The following PEMT variants were observed in gnomAD, a reference collection of about 807,000 sequenced individuals.
The protein encoded by PEMT is phosphatidylethanolamine N-methyltransferase.
In PEMT, 23 loss-of-function variants were observed where a neutral mutation model predicts 27.4. That is an observed-to-expected ratio of 0.84 (90% CI 0.60 to 1.19). The LOEUF (loss-of-function observed/expected upper bound fraction) is 1.19. Among genes scored for constraint, PEMT ranks in the 50% most tolerant of loss-of-function variants. The pLI is 0.00. For synonymous variants in PEMT, 137 were observed against 139.1 expected (o/e 0.98, Z 0.11); for missense variants, 307 against 310.1 (o/e 0.99, Z 0.07).
chr17:17,547,369 A>G (rs1909332039), intron 2 of PEMT, among the ~76,000 whole-genome samples: 1 of 152,232 alleles, frequency 6.6e-6, no homozygotes, highest in Non-Finnish European at 1.5e-5. Flanking sequence ...GCCTCTGCCC[A>G]AGGGGGCCTC....
intron 2 of PEMT, among the ~76,000 whole-genome samples, chr17:17,564,251 C>T (rs1348697140): frequency 1.3e-5 from 2 of 152,164 alleles, no homozygotes; most frequent in African/African-American, 4.8e-5. Context: ...GGGACTCTTA[C>T]CTGCCCACAT....
intron 2 of PEMT, among the ~76,000 whole-genome samples, chr17:17,547,668 C>G (rs1567709810): frequency 6.6e-6 from 1 of 151,936 alleles, no homozygotes; most frequent in Non-Finnish European, 1.5e-5. Context: ...TCCTCCTCCT[C>G]CTCCTCATCC....
At chr17:17,528,536 G>C (rs1040423274) in intron 2 of PEMT, among the ~76,000 whole-genome samples, 2 of 152,226 alleles carry the variant, frequency 1.3e-5, no homozygotes, top group South Asian at 4.1e-4. Flanking sequence ...GGAAGGGAGG[G>C]GGCCACTAGC....
intron 2 of PEMT, among the ~76,000 whole-genome samples, chr17:17,576,139 C>A (rs1261295019): frequency 6.6e-6 from 1 of 152,048 alleles, no homozygotes; most frequent in Admixed American, 6.6e-5. Context: ...CCAGAAGCAC[C>A]CCCCAGAGAC....
chr17:17,522,572 CA>C (rs2142542517), intron 2 of PEMT, among the ~76,000 whole-genome samples, 177 bp from the exon 3 acceptor site: 1 of 152,304 alleles, frequency 6.6e-6, no homozygotes, highest in East Asian at 1.9e-4. Flanking sequence ...TGCCCTAGAG[CA>C]AGTTCCACAG....
chr17:17,583,382 A>G (rs1340503366), intron 1 of PEMT, among the ~76,000 whole-genome samples: 1 of 152,242 alleles, frequency 6.6e-6, no homozygotes, highest in African/African-American at 2.4e-5. Context: ...ATCTCAAAAA[A>G]TAAAATAAAA....
intron 2 of PEMT, among the ~76,000 whole-genome samples, chr17:17,560,737 C>T (rs1013618316): frequency 7.2e-5 from 11 of 152,126 alleles, no homozygotes; most frequent in African/African-American, 2.7e-4. Flanking sequence ...CCCAACCAAG[C>T]CACCCTTCGC....
intron 2 of PEMT, among the ~76,000 whole-genome samples, chr17:17,566,986 C>T (rs1268179696): frequency 1.3e-5 from 2 of 152,224 alleles, no homozygotes; most frequent in Non-Finnish European, 2.9e-5. Context: ...TGCCCAGGGC[C>T]GCACGCTGCC....
chr17:17,588,186 C>A (rs1912418988), intron 1 of PEMT, among the ~76,000 whole-genome samples: 2 of 152,136 alleles, frequency 1.3e-5, no homozygotes, highest in Admixed American at 6.5e-5. Context: ...TTGGCTGATG[C>A]CAAAATTACT....
chr17:17,518,563 C>T (rs181263641), intron 3 of PEMT, among the ~76,000 whole-genome samples: 4 of 152,330 alleles, frequency 2.6e-5, no homozygotes, highest in Admixed American at 1.3e-4. Flanking sequence ...CCTCTGGATG[C>T]ACTGCTGGTG....
At chr17:17,517,338 CTT>C (rs1452960426) in intron 3 of PEMT, among the ~76,000 whole-genome samples, 3 of 152,280 alleles carry the variant, frequency 2.0e-5, no homozygotes, top group Non-Finnish European at 2.9e-5. Context: ...TCCACAGACT[CTT>C]TAAAAATTCT....
rs1907444639 is a variant in PEMT at position 17,523,558 on chromosome 17, G to A, written c.205-1163C>T. Among the ~76,000 whole-genome samples the A allele has an allele frequency of 6.6e-6, 1 of 152,164 alleles. No homozygotes were observed. Among genetic ancestry groups the A allele is most frequent in the Non-Finnish European group, 1.5e-5 (1 of 68,024 alleles). On this transcript the variant is annotated intron_variant, in intron 2 of 6. Transcript: ENST00000255389. The surrounding 1 kb of genome is among the most constrained non-coding windows in gnomAD (Gnocchi z 4.8). Reference sequence around the variant, plus strand: ...GAGAAGTGAAGGAGGTAGCTCCCGGGCCTTCCCCTCAACCAGCTGTTGGCA... The same window carrying A: ...GAGAAGTGAAGGAGGTAGCTCCCGGACCTTCCCCTCAACCAGCTGTTGGCA...
chr17:17,569,984 T>C (rs1911078602), intron 2 of PEMT, among the ~76,000 whole-genome samples: 1 of 152,200 alleles, frequency 6.6e-6, no homozygotes, highest in African/African-American at 2.4e-5. Flanking sequence ...ATGCAGTGCT[T>C]TATTTCACAG....
At chr17:17,591,927 C>T (rs1018592730), upstream of PEMT, 481 of 985,326 alleles carry the variant, frequency 4.9e-4, no homozygotes, top group Non-Finnish European at 5.7e-4. Context: ...CCGCCCAGTG[C>T]CTTTGGTCGC....
chr17:17,522,532 C>G (rs1907355617), intron 2 of PEMT, 137 bp from the exon 3 acceptor site: 1 of 646,666 alleles, frequency 1.5e-6, no homozygotes, highest in Non-Finnish European at 2.8e-6. Flanking sequence ...ACGGGAGCAA[C>G]AACCACATGC....
At chr17:17,567,803 A>T (rs1910931997) in intron 2 of PEMT, among the ~76,000 whole-genome samples, 3 of 152,180 alleles carry the variant, frequency 2.0e-5, no homozygotes, top group African/African-American at 2.4e-5. Context: ...CTGCTCAAAG[A>T]AAAACCCTTC....
At chr17:17,560,783 C>A (rs1352811579) in intron 2 of PEMT, among the ~76,000 whole-genome samples, 1 of 152,076 alleles carries the variant, frequency 6.6e-6, no homozygotes, top group African/African-American at 2.4e-5. Flanking sequence ...AGGCTCCCTG[C>A]TGCCCTAGCC....
At position 17,591,370 on chromosome 17, in the gene PEMT, C is replaced by T. The variant is rs372442240; in HGVS notation, c.96+161G>A. 148 of 628,542 alleles carry T rather than the reference C, an allele frequency of 2.4e-4. No homozygotes were observed. In the East Asian group the frequency reaches 3.4e-3, roughly 14 times the overall value. The allele number at this position is 628,542 out of a possible 1,614,324, so 38.9% of individuals were successfully genotyped here. Reference sequence around the variant, plus strand: ...ACGCACACACACAGACACCAGCCGGCGCTCCCGCACGCGGCTCCCCCACCC... The same window carrying T: ...ACGCACACACACAGACACCAGCCGGTGCTCCCGCACGCGGCTCCCCCACCC... On this transcript the variant is annotated intron_variant, in intron 1 of 6. Transcript: ENST00000255389.
rs568701725 is a variant in PEMT at position 17,560,865 on chromosome 17, G to A, written c.204+16055C>T. ...CACCTCACCCCACCCTCACCTACACGCTGCCTGAGCTTCCGCTTGTCCTTC... is the reference window on the plus strand; with the variant it reads ...CACCTCACCCCACCCTCACCTACACACTGCCTGAGCTTCCGCTTGTCCTTC... On this transcript the variant is annotated intron_variant, in intron 2 of 6. Coordinates refer to ENST00000255389, the MANE Select transcript of PEMT (RefSeq NM_148172.3). 6.6e-5 allele frequency among the ~76,000 whole-genome samples: 10 copies of A among 151,472 alleles called. No individual in the cohort carries two copies. The East Asian group carries it at 7.9e-4, about 12-fold the overall frequency.
Sources: gnomAD v4.1 joint callset for allele counts (sites outside exome capture counted in the v4.1 genomes callset) on GRCh38, gnomAD v4.1.1 for gene constraint, Gnocchi (gnomAD v3.1) non-coding constraint, MANE v1.5 for transcripts, NCBI Gene and HGNC (gene_info 2026-07-23, HGNC 2026-07-21) for gene names.